The following SLCO1A2 variants were observed in gnomAD, a reference collection of about 807,000 sequenced individuals.
SLCO1A2 encodes OATP-1.
In SLCO1A2, 67 loss-of-function variants were observed where a neutral mutation model predicts 69.0. That is an observed-to-expected ratio of 0.97 (90% CI 0.80 to 1.19). The LOEUF is 1.19. SLCO1A2 is among the 50% of genes most tolerant of loss of function. The pLI, the probability that SLCO1A2 is intolerant of heterozygous loss-of-function variation, is 0.00. For missense variants in SLCO1A2, 787 were observed against 793.7 expected, an observed-to-expected ratio of 0.99 and a Z score of 0.10; for synonymous variants, 260 against 265.9, an observed-to-expected ratio of 0.98 and a Z score of 0.22.
chr12:21,346,348 C>T (rs1003812034), intron 2 of SLCO1A2, among the ~76,000 whole-genome samples: 7 of 152,136 alleles, frequency 4.6e-5, no homozygotes, highest in African/African-American at 1.7e-4. Context: ...TTCTGCAGAA[C>T]TGTCGGTGAG....
At chr12:21,405,230 T>G (rs983284911) in intron 1 of SLCO1A2, among the ~76,000 whole-genome samples, 2 of 152,180 alleles carry the variant, frequency 1.3e-5, no homozygotes, top group African/African-American at 4.8e-5. Context: ...TTTAGTTTAA[T>G]TAGATCTCAT....
intron 2 of SLCO1A2, among the ~76,000 whole-genome samples, chr12:21,353,685 G>A (rs908966151): frequency 6.6e-6 from 1 of 152,178 alleles, no homozygotes; most frequent in Non-Finnish European, 1.5e-5. Flanking sequence ...CAGCATGAAA[G>A]GGACCAGGCA....
intron 2 of SLCO1A2, among the ~76,000 whole-genome samples, chr12:21,331,800 C>T (rs144893504): frequency 6.6e-6 from 1 of 152,134 alleles, no homozygotes; most frequent in African/African-American, 2.4e-5. Flanking sequence ...GGAAAACTTG[C>T]CTTCTTTGTT....
chr12:21,317,570 T>C lies in SLCO1A2; in HGVS notation c.202+1212A>G, dbSNP rs1167571394. Among the ~76,000 whole-genome samples the C allele has an allele frequency of 2.0e-5, 3 of 152,160 alleles. No homozygotes were observed. In the East Asian group the frequency reaches 5.8e-4, roughly 29 times the overall value. On this transcript the variant is annotated intron_variant, in intron 3 of 14. Transcript: ENST00000683939. ...TACTATTATTATCTGCATCTCTACCTTCCGTTAGATTATGAGCTGAGTCAA... is the reference window on the plus strand; with the variant it reads ...TACTATTATTATCTGCATCTCTACCCTCCGTTAGATTATGAGCTGAGTCAA...
intron 10 of SLCO1A2, 182 bp downstream of exon 10, chr12:21,295,415 T>A: frequency 1.8e-6 from 1 of 555,970 alleles, no homozygotes; most frequent in East Asian, 3.1e-5. Flanking sequence ...CCCAACCTCA[T>A]TAATAAGCCT....
chr12:21,335,872 G>A (rs1322740347), upstream of SLCO1A2, among the ~76,000 whole-genome samples: 1 of 152,160 alleles, frequency 6.6e-6, no homozygotes, highest in Non-Finnish European at 1.5e-5. Flanking sequence ...TCAGCAGTGA[G>A]CAAGAAAGCC....
At chr12:21,273,897 A>T (rs1382990170) in intron 14 of SLCO1A2, 2 of 152,200 alleles carry the variant, frequency 1.3e-5, no homozygotes, top group Admixed American at 1.3e-4. Context: ...AGTTAATTCA[A>T]ATTTAAACAA....
At chr12:21,390,272 T>C (rs1247373778) in intron 1 of SLCO1A2, among the ~76,000 whole-genome samples, 2 of 152,190 alleles carry the variant, frequency 1.3e-5, no homozygotes, top group South Asian at 4.1e-4. Context: ...TAAATAAACT[T>C]ACATAGATAT....
intron 12 of SLCO1A2, 96 bp downstream of exon 12, chr12:21,292,068 G>T: frequency 1.3e-6 from 1 of 783,380 alleles, no homozygotes; most frequent in South Asian, 2.5e-5. Context: ...TTAGAGCACT[G>T]AGTTCTTAGA....
rs1393014885 is a variant in SLCO1A2, at chr12:21,295,594, T to C, written c.1271+3A>G. On this transcript the variant is annotated splice_donor_region_variant and intron_variant, in intron 10 of 14. Coordinates refer to ENST00000683939, the MANE Select transcript of SLCO1A2 (RefSeq NM_001386879.1). ...TTCTCACATTCATTAGAAAACAACA[T>C]ACCCTTCATAAGAGGTATTTATTCC... The C allele has an allele frequency of 1.3e-6, 2 of 1,543,456 alleles. No individual in the cohort carries two copies.
chr12:21,275,436 A>G lies in SLCO1A2; in HGVS notation c.1611-12T>C. On this transcript the variant is annotated splice_polypyrimidine_tract_variant and intron_variant, in intron 12 of 14. Coordinates refer to ENST00000683939, the MANE Select transcript of SLCO1A2 (RefSeq NM_001386879.1). ...CAGATTTCATACACCTGAAAAGTAA[A>G]TAAGTTTGTAAATAAAAGAAAAATA... 6.9e-7 allele frequency: 1 copy of G among 1,445,788 alleles called. No homozygotes were observed. The allele number at this position is 1,445,788 out of a possible 1,614,324, so 89.6% of individuals were successfully genotyped here.
chr12:21,398,893 C>T (rs79256105), upstream of SLCO1A2, among the ~76,000 whole-genome samples: 1 of 150,026 alleles, frequency 6.7e-6, no homozygotes, highest in African/African-American at 2.4e-5. Flanking sequence ...TAAGAGCTAT[C>T]TATGACAAAC....
At chr12:21,275,155 TG>T (rs1482308396) in intron 13 of SLCO1A2, 17 of 765,522 alleles carry the variant, frequency 2.2e-5, no homozygotes, top group Non-Finnish European at 2.7e-5. Flanking sequence ...TGTTGTGGGG[TG>T]GGGGAAGGGG....
At chr12:21,361,273 G>C (rs1391987458) in intron 2 of SLCO1A2, among the ~76,000 whole-genome samples, 1 of 152,210 alleles carries the variant, frequency 6.6e-6, no homozygotes, top group Non-Finnish European at 1.5e-5. Flanking sequence ...CAGGCAAACA[G>C]GGTCTGGAGT....
intron 1 of SLCO1A2, among the ~76,000 whole-genome samples, chr12:21,410,692 T>C (rs923870563): frequency 1.1e-4 from 17 of 152,228 alleles, no homozygotes; most frequent in African/African-American, 4.1e-4. Context: ...TGTATTCTAG[T>C]AGTGATACCA....
chr12:21,329,430 G>C (rs1048063489), intron 2 of SLCO1A2, among the ~76,000 whole-genome samples: 1 of 151,892 alleles, frequency 6.6e-6, no homozygotes, highest in Admixed American at 6.6e-5. Flanking sequence ...CAGCCTTAAG[G>C]ATCAACCCAG....
intron 1 of SLCO1A2, among the ~76,000 whole-genome samples, chr12:21,383,801 T>A (rs1451482997): frequency 6.6e-6 from 1 of 152,092 alleles, no homozygotes; most frequent in Non-Finnish European, 1.5e-5. Context: ...TATTTCCCCA[T>A]CCAGCCTGTA....
chr12:21,408,877 G>A (rs1364381015), intron 1 of SLCO1A2, among the ~76,000 whole-genome samples: 1 of 152,092 alleles, frequency 6.6e-6, no homozygotes, highest in East Asian at 1.9e-4. Flanking sequence ...CATCCCCAAC[G>A]CTCTTCTAAA....
At chr12:21,370,050 A>T (rs981723097) in intron 2 of SLCO1A2, among the ~76,000 whole-genome samples, 4 of 152,194 alleles carry the variant, frequency 2.6e-5, no homozygotes, top group African/African-American at 7.2e-5. Context: ...AACTTAGAGA[A>T]AGCAATTAGC....
Sources: gnomAD v4.1 joint callset for allele counts (sites outside exome capture counted in the v4.1 genomes callset) on GRCh38, gnomAD v4.1.1 for gene constraint, MANE v1.5 for transcripts, NCBI Gene and HGNC (gene_info 2026-07-23, HGNC 2026-07-21) for gene names.